Variants in NT5DC1 observed in about 807,000 individuals in gnomAD.
NT5DC1 encodes 5'-nucleotidase domain-containing protein 1.
In NT5DC1, 42 loss-of-function variants were observed where a neutral mutation model predicts 59.4. The observed-to-expected ratio is 0.71, with a 90% CI of 0.55 to 0.92. NT5DC1 has a LOEUF of 0.92. Among genes scored for constraint, NT5DC1 ranks in the 40% least tolerant of loss-of-function variants. The pLI, the probability that NT5DC1 is intolerant of heterozygous loss-of-function variation, is 0.00. For missense variants in NT5DC1, 501 were observed against 537.1 expected, an observed-to-expected ratio of 0.93 and a Z score of 0.66; for synonymous variants, 172 against 188.1, an observed-to-expected ratio of 0.91 and a Z score of 0.70.
At chr6:116,120,824 C>T (rs1022658297) in intron 6 of NT5DC1, 2 of 1,613,968 alleles carry the variant, frequency 1.2e-6, no homozygotes, top group Non-Finnish European at 1.7e-6. Context: ...TCCGGGCATT[C>T]CCTTTGCTCC....
intron 6 of NT5DC1, among the ~76,000 whole-genome samples, chr6:116,128,162 C>T (rs749732472): frequency 9.2e-5 from 14 of 152,112 alleles, no homozygotes; most frequent in Non-Finnish European, 1.6e-4. Flanking sequence ...ATTCTATACT[C>T]CCCTTTAGTT....
At chr6:116,165,431 C>T (rs1780441315) in intron 6 of NT5DC1, among the ~76,000 whole-genome samples, 1 of 152,172 alleles carries the variant, frequency 6.6e-6, no homozygotes, top group African/African-American at 2.4e-5. Flanking sequence ...ATATGTTTTC[C>T]AAATTGCTTA....
At chr6:116,176,080 C>A (rs564795336) in intron 6 of NT5DC1, among the ~76,000 whole-genome samples, 11 of 152,146 alleles carry the variant, frequency 7.2e-5, no homozygotes, top group Admixed American at 7.2e-4. Flanking sequence ...TCTTCTACTA[C>A]GCTGTAATTG....
intron 4 of NT5DC1, among the ~76,000 whole-genome samples, chr6:116,113,648 A>G (rs1449712476): frequency 1.3e-5 from 2 of 152,216 alleles, no homozygotes; most frequent in Non-Finnish European, 1.5e-5. Flanking sequence ...TCAACAGTCA[A>G]ATGACCTTAG....
chr6:116,147,459 T>G (rs1015730396), intron 6 of NT5DC1, among the ~76,000 whole-genome samples: 1 of 149,694 alleles, frequency 6.7e-6, no homozygotes, highest in Non-Finnish European at 1.5e-5. Context: ...AAAAAAAAAA[T>G]AAAAAGATAA....
At chr6:116,232,534 C>G (rs1000463608) in intron 8 of NT5DC1, among the ~76,000 whole-genome samples, 2 of 150,570 alleles carry the variant, frequency 1.3e-5, no homozygotes, top group Admixed American at 6.6e-5. Flanking sequence ...AGAAAAAAAT[C>G]TCATAAATGC....
intron 11 of NT5DC1, among the ~76,000 whole-genome samples, chr6:116,241,652 G>T (rs189523784): frequency 6.6e-6 from 1 of 152,144 alleles, no homozygotes; most frequent in African/African-American, 2.4e-5. Context: ...GGCCGGGTGC[G>T]GTGGCTCACG....
At chr6:116,145,047 T>G (rs534852078) in intron 6 of NT5DC1, among the ~76,000 whole-genome samples, 2 of 152,282 alleles carry the variant, frequency 1.3e-5, no homozygotes, top group South Asian at 4.1e-4. Flanking sequence ...GATTGATACA[T>G]GAGAAATGGA....
intron 6 of NT5DC1, chr6:116,119,094 G>A (rs1474936795): frequency 2.0e-5 from 3 of 152,596 alleles, no homozygotes; most frequent in Non-Finnish European, 4.4e-5. Context: ...TAATAAGTGA[G>A]GCACAGCTTA....
At chr6:116,224,995 A>C (rs1781879785) in intron 8 of NT5DC1, among the ~76,000 whole-genome samples, 1 of 152,194 alleles carries the variant, frequency 6.6e-6, no homozygotes, top group African/African-American at 2.4e-5. Flanking sequence ...ATGGAGTTGG[A>C]AAACACAGAG....
At chr6:116,210,356 T>C (rs1471117866) in intron 6 of NT5DC1, among the ~76,000 whole-genome samples, 2 of 147,990 alleles carry the variant, frequency 1.4e-5, no homozygotes, top group African/African-American at 4.9e-5. Flanking sequence ...AATGTAATAA[T>C]GTACCATGTG....
chr6:116,243,789 A>ATTTTTACGTCT (rs1464116940), intron 11 of NT5DC1, 120 bp from the exon 12 acceptor site: 1 of 537,466 alleles, frequency 1.9e-6, no homozygotes, highest in African/African-American at 1.9e-5. Context: ...GAAGGAGCAA[A>ATTTTTACGTCT]AGAAATATTA....
At chr6:116,217,276 T>A (rs1256326931) in intron 6 of NT5DC1, among the ~76,000 whole-genome samples, 1 of 152,216 alleles carries the variant, frequency 6.6e-6, no homozygotes, top group African/African-American at 2.4e-5. Context: ...ATTATTTCTG[T>A]CACTCTACAT....
intron 1 of NT5DC1, 150 bp downstream of exon 1, chr6:116,101,173 G>C (rs537579315): frequency 6.8e-6 from 4 of 591,880 alleles, no homozygotes; most frequent in East Asian, 3.3e-5. Flanking sequence ...CGGCGAGAAG[G>C]GGCGGAAGTG....
intron 6 of NT5DC1, among the ~76,000 whole-genome samples, chr6:116,184,451 G>C (rs9488863): frequency 0.026 from 3,963 of 151,784 alleles, 155 homozygotes; most frequent in African/African-American, 0.09. Context: ...TTGAAATAGT[G>C]TCAATTGGAT....
rs746303086 is a variant in NT5DC1, at chr6:116,120,927, C to G, written c.529+2982C>G. 4 of 1,613,804 alleles carry G rather than the reference C, an allele frequency of 2.5e-6. No homozygotes were observed. In the Admixed American group the frequency reaches 5.0e-5, roughly 20 times the overall value. ...AACCCTGGGTTACCCTTAGGACCAT[C>G]GAGACCTGGTTTTCCTGGGTACCCT... On this transcript the variant is annotated intron_variant, in intron 6 of 11. Coordinates refer to ENST00000319550, the MANE Select transcript of NT5DC1 (RefSeq NM_152729.3).
rs144509273 is a variant in NT5DC1 at position 116,129,615 on chromosome 6, C to A, written c.529+11670C>A. 3.1e-3 allele frequency among the ~76,000 whole-genome samples: 467 copies of A among 152,316 alleles called. 2 individuals carry two copies. Among genetic ancestry groups the A allele is most frequent in the African/African-American group, 0.01 (423 of 41,566 alleles). On this transcript the variant is annotated intron_variant, in intron 6 of 11. Coordinates refer to ENST00000319550, the MANE Select transcript of NT5DC1 (RefSeq NM_152729.3). ...GATACTACAGCATGAACGCTCTCTC[C>A]AGATACCGGTGCCATCCTCTTGGAC...
chr6:116,231,670 G>A (rs980928984), intron 8 of NT5DC1, among the ~76,000 whole-genome samples: 1 of 152,198 alleles, frequency 6.6e-6, no homozygotes, highest in African/African-American at 2.4e-5. Flanking sequence ...AGGCTGTGCA[G>A]ATCCTCTCAT....
intron 1 of NT5DC1, among the ~76,000 whole-genome samples, chr6:116,103,653 A>G (rs1778707246): frequency 6.6e-6 from 1 of 152,148 alleles, no homozygotes; most frequent in South Asian, 2.1e-4. Flanking sequence ...GGGCTGCATC[A>G]TGGAGAGCTG....
Sources: allele counts gnomAD v4.1 joint callset (sites outside exome capture counted in the v4.1 genomes callset), GRCh38; gene constraint gnomAD v4.1.1; transcripts MANE v1.5; gene names NCBI Gene and HGNC (gene_info 2026-07-23, HGNC 2026-07-21).